The following CNTN1 variants were observed in gnomAD, a reference collection of about 807,000 sequenced individuals.
CNTN1 encodes contactin-1.
CNTN1 carries 38 observed loss-of-function variants against 126.4 expected under a neutral mutation model. That is an observed-to-expected ratio of 0.30 (90% CI 0.23 to 0.39). CNTN1 has a LOEUF of 0.39. Among genes scored for constraint, CNTN1 ranks in the 10% least tolerant of loss-of-function variants. The pLI is 1.00. For synonymous variants in CNTN1, 413 were observed against 422.6 expected (o/e 0.98, Z 0.28); for missense variants, 1,009 against 1,248.4 (o/e 0.81, Z 2.89).
chr12:41,021,683 T>C (rs1208571797), intron 20 of CNTN1, among the ~76,000 whole-genome samples: 1 of 151,606 alleles, frequency 6.6e-6, no homozygotes, highest in Admixed American at 6.6e-5. Context: ...GGGAAGATCT[T>C]AAAGAGCCCT....
intron 1 of CNTN1, among the ~76,000 whole-genome samples, chr12:40,870,630 A>G (rs963944442): frequency 2.6e-5 from 4 of 152,158 alleles, no homozygotes; most frequent in Admixed American, 2.6e-4. Flanking sequence ...AGCACCTGCT[A>G]ACATAGATGC....
Position 40,908,394 on chromosome 12 carries a change from T to C in CNTN1, c.-39T>C. 1 of 1,578,814 alleles carries C rather than the reference T, an allele frequency of 6.3e-7. No individual in the cohort carries two copies. Among genetic ancestry groups the C allele is most frequent in the South Asian group, 1.1e-5 (1 of 90,138 alleles). On this transcript the variant is annotated 5_prime_UTR_variant, in exon 2 of 24. Transcript: ENST00000551295. ...ATCCAACTGCCATAGAGCTAAATTCTTTTTTGGAAAATTGAACCGAACTTC... is the reference window on the plus strand; with the variant it reads ...ATCCAACTGCCATAGAGCTAAATTCCTTTTTGGAAAATTGAACCGAACTTC...
At chr12:40,826,929 G>A (rs954971983) in intron 1 of CNTN1, among the ~76,000 whole-genome samples, 1 of 152,084 alleles carries the variant, frequency 6.6e-6, no homozygotes, top group Non-Finnish European at 1.5e-5. Context: ...CATGACTTTA[G>A]TCATCTCAGT....
rs756303110 is a variant in CNTN1, at chr12:40,730,118, GT to G, written c.-77+37527del. On this transcript the variant is annotated intron_variant, in intron 1 of 23. Transcript: ENST00000551295. ...ACATTGCTCAACTCCTTTCAGTGCT[GT>G]CCCCTCCCTCTAAATCTTTCTACAC... Among the ~76,000 whole-genome samples, 4 of 152,232 alleles carry G rather than the reference GT, an allele frequency of 2.6e-5. No individual in the cohort carries two copies. The East Asian group carries it at 5.8e-4, about 22-fold the overall frequency.
At chr12:40,861,119 T>C (rs530887199) in intron 1 of CNTN1, among the ~76,000 whole-genome samples, 1 of 152,234 alleles carries the variant, frequency 6.6e-6, no homozygotes, top group South Asian at 2.1e-4. Flanking sequence ...AAGAAACACA[T>C]GGCTACTTTA....
At chr12:40,922,525 G>A (rs1022248851) in intron 5 of CNTN1, 97 bp downstream of exon 5, 1 of 1,115,920 alleles carries the variant, frequency 9.0e-7, no homozygotes. Flanking sequence ...AGGCATCATA[G>A]ATGAGGTGGA....
At chr12:40,915,026 T>A (rs1945180814) in intron 3 of CNTN1, among the ~76,000 whole-genome samples, 1 of 152,034 alleles carries the variant, frequency 6.6e-6, no homozygotes, top group East Asian at 1.9e-4. Flanking sequence ...TTTTCTTTTT[T>A]TAAAAATACA....
intron 1 of CNTN1, among the ~76,000 whole-genome samples, chr12:40,826,764 A>G (rs1941626138): frequency 6.6e-6 from 1 of 152,230 alleles, no homozygotes; most frequent in Non-Finnish European, 1.5e-5. Context: ...ACTTTGGTTT[A>G]ACTCTGACAG....
intron 1 of CNTN1, among the ~76,000 whole-genome samples, chr12:40,878,142 C>T (rs1382100647): frequency 1.3e-5 from 2 of 151,682 alleles, no homozygotes; most frequent in African/African-American, 4.8e-5. Context: ...GGATTACAGG[C>T]ATGCACCACC....
intron 1 of CNTN1, among the ~76,000 whole-genome samples, chr12:40,823,024 T>C (rs71449780): frequency 0.034 from 5,110 of 152,298 alleles, 117 homozygotes; most frequent in Middle Eastern, 0.11. Flanking sequence ...AGTCTTGGTA[T>C]AATGATGTAA....
At chr12:40,692,915 G>A (rs191756080) in intron 1 of CNTN1, among the ~76,000 whole-genome samples, 90 of 152,326 alleles carry the variant, frequency 5.9e-4, no homozygotes, top group Non-Finnish European at 1.1e-3. Flanking sequence ...ACTCGCCCCA[G>A]GGATGCCATA....
chr12:40,864,318 A>C (rs1403256272), intron 1 of CNTN1, among the ~76,000 whole-genome samples: 1 of 151,630 alleles, frequency 6.6e-6, no homozygotes, highest in South Asian at 2.1e-4. Context: ...CCATGCCCAG[A>C]CCTATTTTTC....
At chr12:40,809,616 A>G (rs377304989) in intron 1 of CNTN1, among the ~76,000 whole-genome samples, 8 of 152,284 alleles carry the variant, frequency 5.3e-5, no homozygotes, top group Non-Finnish European at 1.0e-4. Flanking sequence ...CGAGGTCAGG[A>G]GTTCAAGATC....
chr12:40,728,721 T>C (rs1050673107), intron 1 of CNTN1: 1 of 152,124 alleles, frequency 6.6e-6, no homozygotes, highest in African/African-American at 2.4e-5. Flanking sequence ...GCTTAGAAAA[T>C]AACAGAGATT....
rs375083853 is a variant in CNTN1, at chr12:40,993,105, A to C, written c.1964-15A>C. 19 of 1,607,708 alleles carry C rather than the reference A, an allele frequency of 1.2e-5. No individual in the cohort carries two copies. The highest frequency in any genetic ancestry group is 1.7e-6 in the Non-Finnish European group (2 of 1,174,420). ...AATCAACCTGTATTCTCTATTTACTATTTATTTTATTCAGATCCCCCAATT... is the reference window on the plus strand; with the variant it reads ...AATCAACCTGTATTCTCTATTTACTCTTTATTTTATTCAGATCCCCCAATT... On this transcript the variant is annotated splice_polypyrimidine_tract_variant and intron_variant, in intron 16 of 23. Transcript: ENST00000551295.
intron 16 of CNTN1, among the ~76,000 whole-genome samples, chr12:40,992,665 T>C (rs916596217): frequency 6.6e-6 from 1 of 152,186 alleles, no homozygotes; most frequent in Non-Finnish European, 1.5e-5. Flanking sequence ...AAAAAGGATA[T>C]AAACATTAAC....
intron 23 of CNTN1, among the ~76,000 whole-genome samples, chr12:41,056,072 T>C (rs1949795985): frequency 6.6e-6 from 1 of 152,086 alleles, no homozygotes; most frequent in African/African-American, 2.4e-5. Context: ...GATACTTCTT[T>C]CCTGAGTCCA....
intron 1 of CNTN1, among the ~76,000 whole-genome samples, chr12:40,704,359 T>A (rs1427664654): frequency 6.6e-6 from 1 of 152,186 alleles, no homozygotes; most frequent in East Asian, 1.9e-4. Flanking sequence ...CTCCAAATTA[T>A]CTTTTAATAA....
chr12:40,715,428 A>AT (rs141304689), intron 1 of CNTN1, among the ~76,000 whole-genome samples: 6,732 of 152,002 alleles, frequency 0.044, 308 homozygotes, highest in African/African-American at 0.12. Flanking sequence ...CATTAGCAGG[A>AT]TTTTTTTTGC....
Sources: gnomAD v4.1 joint callset for allele counts (sites outside exome capture counted in the v4.1 genomes callset) on GRCh38, gnomAD v4.1.1 for gene constraint, MANE v1.5 for transcripts, NCBI Gene and HGNC (gene_info 2026-07-23, HGNC 2026-07-21) for gene names.